XKR4: variants seen among roughly 807,000 people sequenced by gnomAD.
XKR4 encodes the protein XK-related protein 4.
XKR4 carries 12 observed loss-of-function variants against 53.9 expected under a neutral mutation model. That is an observed-to-expected ratio of 0.22 (90% CI 0.14 to 0.36). The LOEUF (loss-of-function observed/expected upper bound fraction) is 0.36, where lower values mean the gene tolerates loss of function less well. Among genes scored for constraint, XKR4 ranks in the 10% least tolerant of loss-of-function variants. The pLI is 1.00. For missense variants in XKR4, 799 were observed against 859.5 expected, an observed-to-expected ratio of 0.93 and a Z score of 0.88; for synonymous variants, 354 against 362.4, an observed-to-expected ratio of 0.98 and a Z score of 0.26.
chr8:55,440,679 G>A (rs995491985), intron 2 of XKR4, among the ~76,000 whole-genome samples: 2 of 151,840 alleles, frequency 1.3e-5, no homozygotes, highest in African/African-American at 4.8e-5. Context: ...CCAAAAGAGT[G>A]GGCAAATATA....
chr8:55,295,126 G>A (rs1203742284), intron 1 of XKR4, among the ~76,000 whole-genome samples: 3 of 152,130 alleles, frequency 2.0e-5, no homozygotes, highest in Non-Finnish European at 4.4e-5. Context: ...TGTAAGACAC[G>A]AGGCTAGCTG....
intron 2 of XKR4, among the ~76,000 whole-genome samples, chr8:55,414,727 T>C (rs1804821071): frequency 6.6e-6 from 1 of 152,144 alleles, no homozygotes; most frequent in African/African-American, 2.4e-5. Flanking sequence ...CCTGTTTAAA[T>C]GCTAAGATTC....
At chr8:55,508,899 T>G (rs909070044) in intron 2 of XKR4, among the ~76,000 whole-genome samples, 5 of 152,192 alleles carry the variant, frequency 3.3e-5, no homozygotes, top group African/African-American at 2.4e-5. Context: ...GACTTTGAGG[T>G]GAGTCTTAGT....
intron 2 of XKR4, among the ~76,000 whole-genome samples, chr8:55,409,412 T>C (rs2129390980): frequency 6.6e-6 from 1 of 152,308 alleles, no homozygotes; most frequent in Non-Finnish European, 1.5e-5. Flanking sequence ...TTGGGTAAAT[T>C]ATTTAACCAG....
At chr8:55,452,020 C>T (rs1805456323) in intron 2 of XKR4, 1 of 764,070 alleles carries the variant, frequency 1.3e-6, no homozygotes, top group Non-Finnish European at 2.4e-6. Context: ...ACGTTCTTAA[C>T]CAGGTTCCAG....
intron 2 of XKR4, among the ~76,000 whole-genome samples, chr8:55,505,715 C>T (rs1480375684): frequency 1.3e-5 from 2 of 152,162 alleles, no homozygotes. Flanking sequence ...TGGTTTAGGA[C>T]CTGTTTTGTG....
In XKR4 at chr8:55,179,931, A is replaced by G. The variant is rs553029422; in HGVS notation, c.806+76637A>G. ...AGCTGGAAAATTTAGAGAAGTATTTATAGAAGAGTTTCTTCCTCTAGCAGA... is the reference window on the plus strand; with the variant it reads ...AGCTGGAAAATTTAGAGAAGTATTTGTAGAAGAGTTTCTTCCTCTAGCAGA... On this transcript the variant is annotated intron_variant, in intron 1 of 2. Transcript: ENST00000327381. Among the ~76,000 whole-genome samples the G allele has an allele frequency of 5.9e-5, 9 of 152,352 alleles. No homozygotes were observed. In the East Asian group the frequency reaches 9.6e-4, roughly 16 times the overall value.
chr8:55,111,017 T>C (rs183266323), intron 1 of XKR4, among the ~76,000 whole-genome samples: 1 of 152,266 alleles, frequency 6.6e-6, no homozygotes, highest in Admixed American at 6.5e-5. Flanking sequence ...TTTTTAACCC[T>C]AAAATAGACG....
At chr8:55,493,688 T>C (rs1407257613) in intron 2 of XKR4, among the ~76,000 whole-genome samples, 1 of 152,256 alleles carries the variant, frequency 6.6e-6, no homozygotes, top group East Asian at 1.9e-4. Context: ...CTGTTATTTT[T>C]ATTTAATAAG....
intron 1 of XKR4, among the ~76,000 whole-genome samples, chr8:55,311,704 TATC>T (rs1270981684): frequency 2.6e-5 from 4 of 152,040 alleles, no homozygotes; most frequent in African/African-American, 7.2e-5. Flanking sequence ...ATTGGGGACA[TATC>T]ATCATTTTTA....
At chr8:55,339,876 C>A (rs886454635) in intron 1 of XKR4, among the ~76,000 whole-genome samples, 2 of 150,686 alleles carry the variant, frequency 1.3e-5, no homozygotes, top group African/African-American at 2.4e-5. Flanking sequence ...CCAAAAAAAA[C>A]AACAACAAAA....
intron 2 of XKR4, among the ~76,000 whole-genome samples, chr8:55,385,654 C>T (rs1205772910): frequency 6.6e-6 from 1 of 152,172 alleles, no homozygotes; most frequent in Non-Finnish European, 1.5e-5. Context: ...AAGAAAATTG[C>T]TTTGAAATAT....
chr8:55,116,513 A>G (rs1055346812), intron 1 of XKR4, among the ~76,000 whole-genome samples: 4 of 152,200 alleles, frequency 2.6e-5, no homozygotes, highest in Non-Finnish European at 5.9e-5. Context: ...GAGAAATGTA[A>G]CGTTCAACAA....
intron 2 of XKR4, among the ~76,000 whole-genome samples, chr8:55,442,092 C>T (rs1585574831): frequency 1.3e-5 from 2 of 151,364 alleles, no homozygotes; most frequent in African/African-American, 4.9e-5. Flanking sequence ...TGATCAATAC[C>T]TAACAATGAT....
chr8:55,287,208 C>T (rs966916380), intron 1 of XKR4, among the ~76,000 whole-genome samples: 1 of 151,580 alleles, frequency 6.6e-6, no homozygotes, highest in Non-Finnish European at 1.5e-5. Flanking sequence ...CAAACACTTT[C>T]AACCACCGAC....
chr8:55,268,130 C>T (rs891596295), intron 1 of XKR4, among the ~76,000 whole-genome samples: 2 of 152,144 alleles, frequency 1.3e-5, no homozygotes, highest in African/African-American at 2.4e-5. Flanking sequence ...ATTGTCGGAA[C>T]AGCACCCAAG....
At chr8:55,123,673 C>T (rs1242249657) in intron 1 of XKR4, among the ~76,000 whole-genome samples, 5 of 152,224 alleles carry the variant, frequency 3.3e-5, no homozygotes, top group African/African-American at 1.2e-4. Flanking sequence ...GCTGGTTTCA[C>T]TGCTCCTTCT....
At chr8:55,319,299 G>A (rs879913055) in intron 1 of XKR4, among the ~76,000 whole-genome samples, 1 of 152,148 alleles carries the variant, frequency 6.6e-6, no homozygotes, top group Non-Finnish European at 1.5e-5. Flanking sequence ...TTTGCGATTT[G>A]TGGTTCTTTG....
chr8:55,350,738 C>CTTTTTTTTTTTT (rs1028164969), intron 1 of XKR4, among the ~76,000 whole-genome samples: 29 of 122,426 alleles, frequency 2.4e-4, no homozygotes, highest in South Asian at 5.4e-4. Flanking sequence ...TTTTTCTTTT[C>CTTTTTTTTTTTT]TTTTTTTTTT....
Sources: gnomAD v4.1 joint callset for allele counts (sites outside exome capture counted in the v4.1 genomes callset) on GRCh38, gnomAD v4.1.1 for gene constraint, MANE v1.5 for transcripts, NCBI Gene and HGNC (gene_info 2026-07-23, HGNC 2026-07-21) for gene names.